Variants in ATRX observed in about 807,000 individuals in gnomAD.
ATRX encodes the protein ATRX chromatin remodeler.
ATRX carries 12 observed loss-of-function variants against 172.6 expected under a neutral mutation model. That is an observed-to-expected ratio of 0.07 (90% CI 0.04 to 0.11). ATRX has a LOEUF of 0.11. Among genes scored for constraint, ATRX ranks in the 10% least tolerant of loss-of-function variants. The pLI is 1.00. For missense variants in ATRX, 1,368 were observed against 1,767.4 expected (o/e 0.77, Z 4.05); for synonymous variants, 674 against 594.7 (o/e 1.13, Z -1.94).
intron 30 of ATRX, among the ~76,000 whole-genome samples, chrX:77,545,836 C>T (rs1439019054): frequency 4.5e-5 from 5 of 111,221 alleles, no homozygotes; most frequent in Admixed American, 9.6e-5. Flanking sequence ...GATAAAGATT[C>T]AAACCCTGGT....
At chrX:77,772,999 C>A (rs1434857417) in intron 1 of ATRX, among the ~76,000 whole-genome samples, 2 of 101,480 alleles carry the variant, frequency 2.0e-5, no homozygotes, top group Non-Finnish European at 4.0e-5. Context: ...AGTTGTGCAC[C>A]ACCACACCTG....
intron 1 of ATRX, among the ~76,000 whole-genome samples, chrX:77,730,928 A>T (rs1464187040): frequency 1.8e-5 from 2 of 111,230 alleles, no homozygotes; most frequent in Non-Finnish European, 3.8e-5. Flanking sequence ...AAAGAATAAG[A>T]AAAGCAAGAG....
At chrX:77,710,165 G>A (rs781793120) in intron 2 of ATRX, among the ~76,000 whole-genome samples, 1 of 109,924 alleles carries the variant, frequency 9.1e-6, no homozygotes, top group South Asian at 4.0e-4. Flanking sequence ...CGGGTGTGGT[G>A]GCGCTTGCCT....
At chrX:77,618,640 G>A (rs2067457011) in intron 21 of ATRX, among the ~76,000 whole-genome samples, 166 bp downstream of exon 21, 1 of 111,934 alleles carries the variant, frequency 8.9e-6, no homozygotes, top group Admixed American at 9.5e-5. Context: ...AAAGTTGAAT[G>A]CAGCAGAAAT....
At chrX:77,763,314 T>C (rs1174215447) in intron 1 of ATRX, among the ~76,000 whole-genome samples, 1 of 108,751 alleles carries the variant, frequency 9.2e-6, no homozygotes, top group Non-Finnish European at 1.9e-5. Context: ...CCAGCTAATT[T>C]TTGTGTTTTT....
chrX:77,653,191 A>G (rs1335589105), intron 14 of ATRX, among the ~76,000 whole-genome samples: 2 of 111,199 alleles, frequency 1.8e-5, no homozygotes, highest in African/African-American at 6.5e-5. Flanking sequence ...TAGCAATTCC[A>G]TTTTTCCATA....
chrX:77,654,804 C>A (rs2069456201), intron 13 of ATRX, among the ~76,000 whole-genome samples: 1 of 111,616 alleles, frequency 9.0e-6, no homozygotes, highest in African/African-American at 3.2e-5. Context: ...TGGGTATATA[C>A]CCAAAAGAAA....
chrX:77,558,981 G>T (rs1178691181), intron 28 of ATRX, 135 bp from the exon 29 acceptor site: 1 of 491,868 alleles, frequency 2.0e-6, no homozygotes, highest in African/African-American at 2.4e-5. Context: ...ACTTACTGAA[G>T]AAAATAATAT....
At chrX:77,589,268 G>A (rs45579432) in intron 27 of ATRX, among the ~76,000 whole-genome samples, 1,761 of 111,041 alleles carry the variant, frequency 0.016, 30 homozygotes, top group African/African-American at 0.056. Context: ...TTTTGGGCTG[G>A]ATAGGGGAGT....
intron 1 of ATRX, among the ~76,000 whole-genome samples, chrX:77,736,071 T>C (rs2074549234): frequency 9.1e-6 from 1 of 109,738 alleles, no homozygotes; most frequent in Admixed American, 9.8e-5. Context: ...AAAATCAAAA[T>C]GGATTAAAGA....
At chrX:77,765,347 T>C (rs969681010) in intron 1 of ATRX, among the ~76,000 whole-genome samples, 2 of 112,347 alleles carry the variant, frequency 1.8e-5, no homozygotes, top group Non-Finnish European at 3.7e-5. Context: ...TAATCTATTG[T>C]CACAGCAATA....
intron 19 of ATRX, among the ~76,000 whole-genome samples, chrX:77,621,302 T>TTTTTC (rs1192706778): frequency 9.0e-6 from 1 of 111,692 alleles, no homozygotes; most frequent in Admixed American, 9.5e-5. Flanking sequence ...ATACATATTT[T>TTTTTC]TTTTCTTTTC....
chrX:77,663,247 A>G (rs868937378), intron 12 of ATRX, 135 bp downstream of exon 12: 13 of 659,076 alleles, frequency 2.0e-5, no homozygotes, highest in African/African-American at 4.4e-5. Flanking sequence ...AGGTTTCCCT[A>G]TGTTGCCCAG....
At chrX:77,620,305 A>G (rs2067525986) in intron 20 of ATRX, 90 bp downstream of exon 20, 28 of 1,010,037 alleles carry the variant, frequency 2.8e-5, no homozygotes, top group Non-Finnish European at 3.8e-5. Flanking sequence ...CTATACTAGA[A>G]TAAGTAGAAG....
chrX:77,626,992 A>G (rs1329210535), intron 19 of ATRX, among the ~76,000 whole-genome samples: 7 of 111,451 alleles, frequency 6.3e-5, no homozygotes, highest in African/African-American at 2.3e-4. Flanking sequence ...TTGGCAGGCC[A>G]AGACGGGCGG....
rs781917965 is a variant in ATRX at position 77,681,965 on chromosome X, A to G, written c.3291T>C (p.Leu1097=). The change falls in exon 9 of 35, where the codon CTT becomes CTC. Residue 1097 remains leucine (L), a synonymous_variant. Coordinates refer to ENST00000373344, the MANE Select transcript of ATRX (RefSeq NM_000489.6). ...CTTGTCTCTTCCTTGAACTCTTTCC[A>G]AGCAACTTGCACCTTTTCTTCTCTC... ...YGREKKRCKL[L]GKSSRKRQDC... is the part of the protein sequence containing the mutation. 1 of 1,210,331 alleles carries G rather than the reference A, an allele frequency of 8.3e-7. No individual in the cohort carries two copies. Among genetic ancestry groups the G allele is most frequent in the Admixed American group, 2.2e-5 (1 of 45,969 alleles).
intron 19 of ATRX, among the ~76,000 whole-genome samples, chrX:77,632,893 T>C (rs1471751383): frequency 1.8e-5 from 2 of 111,985 alleles, no homozygotes; most frequent in Non-Finnish European, 3.8e-5. Flanking sequence ...GAGCTCTTGT[T>C]ATCACCTAAT....
chrX:77,780,713 G>A (rs1260186492), intron 1 of ATRX, among the ~76,000 whole-genome samples: 1 of 109,804 alleles, frequency 9.1e-6, no homozygotes, highest in Admixed American at 9.6e-5. Flanking sequence ...GGCCAAGGCA[G>A]GAGGATCGCT....
chrX:77,709,424 G>A (rs986213075), intron 2 of ATRX, among the ~76,000 whole-genome samples: 1 of 110,368 alleles, frequency 9.1e-6, no homozygotes, highest in Non-Finnish European at 1.9e-5. Flanking sequence ...TAACAGTTCA[G>A]GAGTTTCTTT....
Sources: gnomAD v4.1 joint callset for allele counts (sites outside exome capture counted in the v4.1 genomes callset) on GRCh38, gnomAD v4.1.1 for gene constraint, MANE v1.5 for transcripts, NCBI Gene and HGNC (gene_info 2026-07-23, HGNC 2026-07-21) for gene names.